PRKG1: variants seen among roughly 807,000 people sequenced by gnomAD.
PRKG1 encodes the protein cGMP-dependent protein kinase 1.
Under a neutral mutation model 88.1 loss-of-function variants are expected in PRKG1, and 35 were observed. That is an observed-to-expected ratio of 0.40 (90% CI 0.30 to 0.53). The LOEUF (loss-of-function observed/expected upper bound fraction) is 0.53. PRKG1 is among the 20% of genes least tolerant of loss of function. The pLI is 0.59. For missense variants in PRKG1, 540 were observed against 839.8 expected (o/e 0.64, Z 4.41); for synonymous variants, 303 against 292.5 (o/e 1.04, Z -0.37).
chr10:51,761,884 A>T (rs1282735978), intron 3 of PRKG1, among the ~76,000 whole-genome samples: 3 of 152,180 alleles, frequency 2.0e-5, no homozygotes, highest in Admixed American at 6.5e-5. Flanking sequence ...TTAAACTTTG[A>T]TTATTGTGGA....
intron 5 of PRKG1, among the ~76,000 whole-genome samples, chr10:52,023,388 G>A (rs566727913): frequency 3.1e-4 from 47 of 152,326 alleles, no homozygotes; most frequent in Non-Finnish European, 6.3e-4. Flanking sequence ...ATGTGCATTT[G>A]TCTTTATAGT....
intron 5 of PRKG1, among the ~76,000 whole-genome samples, chr10:52,002,690 AG>A (rs1844629695): frequency 6.6e-6 from 1 of 152,160 alleles, no homozygotes; most frequent in Admixed American, 6.5e-5. Context: ...ACAAAGAACT[AG>A]GGAAGATGTA....
At chr10:51,041,044 A>T (rs553867242) in intron 1 of PRKG1, among the ~76,000 whole-genome samples, 1 of 152,200 alleles carries the variant, frequency 6.6e-6, no homozygotes, top group South Asian at 2.1e-4. Flanking sequence ...CAACAAGACA[A>T]AGTCTTTCCC....
chr10:51,539,154 C>A (rs962441752), intron 3 of PRKG1, among the ~76,000 whole-genome samples: 24 of 151,846 alleles, frequency 1.6e-4, no homozygotes, highest in African/African-American at 5.6e-4. Flanking sequence ...AATGATTTTG[C>A]CTTTTTGTTT....
At chr10:51,123,320 CA>C (rs879524930) in intron 1 of PRKG1, among the ~76,000 whole-genome samples, 5 of 151,466 alleles carry the variant, frequency 3.3e-5, no homozygotes, top group Non-Finnish European at 7.4e-5. Context: ...AAAATCAGCC[CA>C]AAAAAGGCTT....
chr10:52,044,452 C>A (rs1845819113), intron 5 of PRKG1, among the ~76,000 whole-genome samples: 1 of 152,120 alleles, frequency 6.6e-6, no homozygotes, highest in Non-Finnish European at 1.5e-5. Context: ...AACGACAGAA[C>A]TCCAATACAA....
chr10:52,006,562 A>T (rs1381229414), intron 5 of PRKG1, among the ~76,000 whole-genome samples: 2 of 152,204 alleles, frequency 1.3e-5, no homozygotes, highest in African/African-American at 4.8e-5. Flanking sequence ...GAAATTACTC[A>T]GTCAGACCAA....
At chr10:51,369,211 TAAG>T (rs547914046) in intron 2 of PRKG1, among the ~76,000 whole-genome samples, 106 of 152,214 alleles carry the variant, frequency 7.0e-4, no homozygotes, top group African/African-American at 2.4e-3. Context: ...TGGGCTTCTA[TAAG>T]AAGAATACCA....
intron 3 of PRKG1, among the ~76,000 whole-genome samples, chr10:51,632,727 T>C (rs1839557458): frequency 6.6e-6 from 1 of 152,182 alleles, no homozygotes; most frequent in African/African-American, 2.4e-5. Flanking sequence ...ATTTAATGGT[T>C]CAGTTGGGGC....
intron 7 of PRKG1, among the ~76,000 whole-genome samples, chr10:52,109,833 G>A (rs1404165924): frequency 6.6e-6 from 1 of 151,866 alleles, no homozygotes; most frequent in Non-Finnish European, 1.5e-5. Context: ...TAATATCACT[G>A]CCTTACATAG....
At chr10:52,072,239 T>G (rs962521940) in intron 7 of PRKG1, among the ~76,000 whole-genome samples, 2 of 150,666 alleles carry the variant, frequency 1.3e-5, no homozygotes, top group Non-Finnish European at 2.9e-5. Flanking sequence ...TGAAGATTAT[T>G]CTCGTGAGGA....
intron 8 of PRKG1, among the ~76,000 whole-genome samples, chr10:52,152,324 G>C (rs1305287005): frequency 6.6e-6 from 1 of 152,112 alleles, no homozygotes; most frequent in Non-Finnish European, 1.5e-5. Context: ...AGCTAGACTA[G>C]GTGCCTGATC....
At chr10:51,598,364 C>T (rs1257655373) in intron 3 of PRKG1, among the ~76,000 whole-genome samples, 2 of 152,204 alleles carry the variant, frequency 1.3e-5, no homozygotes, top group Non-Finnish European at 2.9e-5. Context: ...ACCTCCGCCT[C>T]CCAAGTTCAA....
At chr10:51,828,932 G>C (rs888255204) in intron 4 of PRKG1, among the ~76,000 whole-genome samples, 4 of 152,168 alleles carry the variant, frequency 2.6e-5, no homozygotes, top group Admixed American at 1.3e-4. Flanking sequence ...AAAACGTACT[G>C]GTTTAAAACA....
At chr10:51,139,724 C>G (rs1018785784) in intron 1 of PRKG1, among the ~76,000 whole-genome samples, 1 of 152,168 alleles carries the variant, frequency 6.6e-6, no homozygotes, top group Non-Finnish European at 1.5e-5. Flanking sequence ...TGTCACCATC[C>G]TAATCTAGGC....
chr10:52,147,627 G>A (rs757297079), intron 8 of PRKG1, among the ~76,000 whole-genome samples: 1 of 152,128 alleles, frequency 6.6e-6, no homozygotes, highest in African/African-American at 2.4e-5. Context: ...GAAAGAGTAG[G>A]GTGGGAGAGA....
intron 5 of PRKG1, among the ~76,000 whole-genome samples, chr10:51,988,485 G>A (rs534777663): frequency 1.3e-5 from 2 of 152,134 alleles, no homozygotes; most frequent in South Asian, 2.1e-4. Flanking sequence ...ACCAACAGCA[G>A]TAAGTGTGTG....
At chr10:51,516,467 A>C (rs1841588964) in intron 3 of PRKG1, among the ~76,000 whole-genome samples, 2 of 152,104 alleles carry the variant, frequency 1.3e-5, no homozygotes, top group South Asian at 2.1e-4. Context: ...GGGAGAGAGC[A>C]GGCACACAGG....
intron 2 of PRKG1, among the ~76,000 whole-genome samples, chr10:51,199,676 TC>T (rs953096015): frequency 6.6e-6 from 1 of 152,166 alleles, no homozygotes; most frequent in Non-Finnish European, 1.5e-5. Context: ...GTATTTCATC[TC>T]CCTGTGACTT....
Sources: gnomAD v4.1 joint callset for allele counts (sites outside exome capture counted in the v4.1 genomes callset) on GRCh38, gnomAD v4.1.1 for gene constraint, MANE v1.5 for transcripts, NCBI Gene and HGNC (gene_info 2026-07-23, HGNC 2026-07-21) for gene names.